Variants in HACD4 observed in about 807,000 individuals in gnomAD.
The protein encoded by HACD4 is 3-hydroxyacyl-CoA dehydratase 4, also known as very-long-chain (3R)-3-hydroxyacyl-CoA dehydratase 4.
HACD4 carries 35 observed loss-of-function variants against 33.3 expected under a neutral mutation model. That is an observed-to-expected ratio of 1.05 (90% CI 0.80 to 1.39). The LOEUF (loss-of-function observed/expected upper bound fraction) is 1.39. Among genes scored for constraint, HACD4 ranks in the 40% most tolerant of loss-of-function variants. HACD4 has a pLI of 0.00. For synonymous variants in HACD4, 118 were observed against 98.0 expected, an observed-to-expected ratio of 1.20 and a Z score of -1.21; for missense variants, 323 against 276.5, an observed-to-expected ratio of 1.17 and a Z score of -1.19.
At chr9:21,020,905 C>T (rs903865328) in intron 3 of HACD4, among the ~76,000 whole-genome samples, 1 of 152,068 alleles carries the variant, frequency 6.6e-6, no homozygotes, top group Admixed American at 6.6e-5. Context: ...CCTTTCCTTT[C>T]ATATGTAATT....
At position 21,001,839 on chromosome 9, in the gene HACD4, TA is replaced by T. The variant is rs1229523309; in HGVS notation, c.*5197del. On this transcript the variant is annotated 3_prime_UTR_variant, in exon 7 of 7. Transcript: ENST00000495827. ...ATAAACAAAAGCTGAGAAAGTATGT[TA>T]CCACTAGACCTGCCCCTGCCAGAAA... The T allele has an allele frequency of 6.6e-6, 1 of 152,132 alleles. No individual in the cohort carries two copies. The highest frequency in any genetic ancestry group is 1.5e-5 in the Non-Finnish European group (1 of 67,980). The allele number at this position is 152,132 out of a possible 1,614,324, so 9.4% of individuals were successfully genotyped here. A position where few individuals can be genotyped will look rare whatever the true frequency, so the allele number is the denominator to read the frequency against.
rs566167030 is a variant in HACD4 at position 21,030,996 on chromosome 9, T to A, written c.38+557A>T. Among the ~76,000 whole-genome samples the A allele has an allele frequency of 5.9e-5, 9 of 152,302 alleles. No individual in the cohort carries two copies. In the East Asian group the frequency reaches 1.7e-3, roughly 29 times the overall value. ...AAGGAAAATAAGCTGGGAGGCAGAA[T>A]GATTTTTATTTGGGGACATCCTCCC... On this transcript the variant is annotated intron_variant, in intron 1 of 6. Coordinates refer to ENST00000495827, the MANE Select transcript of HACD4 (RefSeq NM_001010915.5).
intron 3 of HACD4, among the ~76,000 whole-genome samples, chr9:21,022,773 C>A (rs929951506): frequency 3.3e-5 from 5 of 151,898 alleles, no homozygotes; most frequent in African/African-American, 1.2e-4. Context: ...GTTGGTGGGA[C>A]TGTAAACTAG....
chr9:21,030,642 C>T (rs771922245), intron 1 of HACD4, among the ~76,000 whole-genome samples: 2 of 152,130 alleles, frequency 1.3e-5, no homozygotes, highest in Non-Finnish European at 2.9e-5. Flanking sequence ...ACACACCTGA[C>T]TTTTGAACAC....
intron 3 of HACD4, among the ~76,000 whole-genome samples, chr9:21,020,493 A>C (rs1027315861): frequency 5.3e-5 from 8 of 152,120 alleles, no homozygotes; most frequent in Non-Finnish European, 7.3e-5. Flanking sequence ...CTTAAAATCA[A>C]CATTTCAGGC....
At position 21,003,322 on chromosome 9, in the gene HACD4, A is replaced by C. The variant is rs1205891882; in HGVS notation, c.*3715T>G. 6.6e-6 allele frequency: 1 copy of C among 152,044 alleles called. No homozygotes were observed. The highest frequency in any genetic ancestry group is 2.4e-5 in the African/African-American group (1 of 41,440). The allele number at this position is 152,044 out of a possible 1,614,324, so 9.4% of individuals were successfully genotyped here. A position where few individuals can be genotyped will look rare whatever the true frequency, so the allele number is the denominator to read the frequency against. On this transcript the variant is annotated 3_prime_UTR_variant, in exon 7 of 7. Transcript: ENST00000495827. ...TGACCCAGTAAAGTGTAGTTTCTCT[A>C]ATTTTCTCTTTGTTTTAGTGATTGA...
chr9:21,014,063 G>C (rs897983120), intron 4 of HACD4, among the ~76,000 whole-genome samples: 7 of 152,116 alleles, frequency 4.6e-5, no homozygotes, highest in African/African-American at 1.7e-4. Flanking sequence ...TATCATGTTA[G>C]TATGGATTTT....
rs201070156 is a variant in HACD4, at chr9:21,007,130, G to A, written c.617-11C>T. The stretch of plus-strand genomic sequence containing the variant: ...AGGTAAAATACATACCTAATATGGA[G>A]AAAGAAGTTGCAAAAGTAAGTAAGG... On this transcript the variant is annotated splice_polypyrimidine_tract_variant and intron_variant, in intron 6 of 6. Transcript: ENST00000495827. 2.2e-6 allele frequency: 3 copies of A among 1,359,340 alleles called. No individual in the cohort carries two copies. Among genetic ancestry groups the A allele is most frequent in the African/African-American group, 2.9e-5 (2 of 69,714 alleles). The allele number at this position is 1,359,340 out of a possible 1,614,324, so 84.2% of individuals were successfully genotyped here.
rs1394082605 is a variant in HACD4, at chr9:21,005,039, C to T, written c.*1998G>A. On this transcript the variant is annotated 3_prime_UTR_variant, in exon 7 of 7. Transcript: ENST00000495827. This position sits in a 1 kb window ranked among gnomAD's most constrained non-coding sequence, Gnocchi z 4.0. The stretch of plus-strand genomic sequence containing the variant: ...TGTTGGTAGACATGGACAATAAAGG[C>T]CATTCTGATGAAGTCTCAAATGAAA... 6.6e-6 allele frequency: 1 copy of T among 152,082 alleles called. No homozygotes were observed. The highest frequency in any genetic ancestry group is 1.5e-5 in the Non-Finnish European group (1 of 68,014). The allele number at this position is 152,082 out of a possible 1,614,324, so 9.4% of individuals were successfully genotyped here.
rs142857345 is a variant in HACD4 at position 21,023,944 on chromosome 9, A to C, written c.270+2652T>G. Reference sequence around the variant, plus strand: ...CTGTATCGACATGGTTTTTTAGCTTACTTAAAAGCAGCCACTCTCTTAACT... The same window carrying C: ...CTGTATCGACATGGTTTTTTAGCTTCCTTAAAAGCAGCCACTCTCTTAACT... On this transcript the variant is annotated intron_variant, in intron 3 of 6. Coordinates refer to ENST00000495827, the MANE Select transcript of HACD4 (RefSeq NM_001010915.5). Among the ~76,000 whole-genome samples, 288 of 152,320 alleles carry C rather than the reference A, an allele frequency of 1.9e-3. 1 individual carries two copies. The highest frequency in any genetic ancestry group is 3.3e-3 in the Non-Finnish European group (227 of 68,016).
intron 4 of HACD4, among the ~76,000 whole-genome samples, chr9:21,014,901 G>A (rs1333018051): frequency 1.3e-5 from 2 of 151,994 alleles, no homozygotes; most frequent in African/African-American, 4.8e-5. Flanking sequence ...TATTTATTGA[G>A]CTTCTCTGAC....
intron 3 of HACD4, among the ~76,000 whole-genome samples, chr9:21,023,415 A>T (rs532603463): frequency 1.3e-5 from 2 of 152,192 alleles, no homozygotes; most frequent in Non-Finnish European, 2.9e-5. Flanking sequence ...CACAGCACAA[A>T]AACAAACCTA....
chr9:21,016,085 C>G (rs1842549393), intron 3 of HACD4, 75 bp from the exon 4 acceptor site: 2 of 935,452 alleles, frequency 2.1e-6, no homozygotes, highest in African/African-American at 1.6e-5. Flanking sequence ...TTTTGAAAAC[C>G]AGATCTCCTT....
intron 5 of HACD4, 105 bp from the exon 6 acceptor site, chr9:21,008,251 A>AGTT (rs1470052851): frequency 9.8e-7 from 1 of 1,023,432 alleles, no homozygotes; most frequent in African/African-American, 1.7e-5. Context: ...TGATAATGAC[A>AGTT]GTTTTGTAAT....
rs1253060447 is a variant in HACD4, at chr9:21,006,571, T to A, written c.*466A>T. 2 of 197,258 alleles carry A rather than the reference T, an allele frequency of 1.0e-5. No individual in the cohort carries two copies. Among genetic ancestry groups the A allele is most frequent in the African/African-American group, 4.8e-5 (2 of 41,662 alleles). The allele number at this position is 197,258 out of a possible 1,614,324, so 12.2% of individuals were successfully genotyped here. A position where few individuals can be genotyped will look rare whatever the true frequency, so the allele number is the denominator to read the frequency against. ...GTATTATTAGATCTGAAGACAGACA[T>A]CTGTCTATGAAATATGTTATTCTAG... On this transcript the variant is annotated 3_prime_UTR_variant, in exon 7 of 7. Transcript: ENST00000495827. This position sits in a 1 kb window ranked among gnomAD's most constrained non-coding sequence, Gnocchi z 4.6.
At position 20,999,866 on chromosome 9, in the gene HACD4, C is replaced by T. The variant is rs1372931164; in HGVS notation, c.*7171G>A. The T allele has an allele frequency of 2.0e-5, 3 of 151,784 alleles. No individual in the cohort carries two copies. The highest frequency in any genetic ancestry group is 7.3e-5 in the African/African-American group (3 of 41,068). 9.4% of individuals were successfully genotyped at this position (151,784 alleles called of 1,614,324 possible). A position where few individuals can be genotyped will look rare whatever the true frequency, so the allele number is the denominator to read the frequency against. On this transcript the variant is annotated 3_prime_UTR_variant, in exon 7 of 7. Transcript: ENST00000495827. Reference sequence around the variant, plus strand: ...AGTCAGAGAATATAAATCACTAAACCATCATGAAGTAAGAACAGAACATGT... The same window carrying T: ...AGTCAGAGAATATAAATCACTAAACTATCATGAAGTAAGAACAGAACATGT...
chr9:21,023,377 T>TA (rs1342443725), intron 3 of HACD4, among the ~76,000 whole-genome samples: 2 of 151,948 alleles, frequency 1.3e-5, no homozygotes, highest in Non-Finnish European at 2.9e-5. Context: ...TTTAAAAAAT[T>TA]AAAAAATAAA....
At position 21,003,187 on chromosome 9, in the gene HACD4, T is replaced by C. The variant is rs1251110317; in HGVS notation, c.*3850A>G. The C allele has an allele frequency of 6.6e-6, 1 of 152,190 alleles. No individual in the cohort carries two copies. Among genetic ancestry groups the C allele is most frequent in the Non-Finnish European group, 1.5e-5 (1 of 68,014 alleles). 9.4% of individuals were successfully genotyped at this position (152,190 alleles called of 1,614,324 possible). On this transcript the variant is annotated 3_prime_UTR_variant, in exon 7 of 7. Coordinates refer to ENST00000495827, the MANE Select transcript of HACD4 (RefSeq NM_001010915.5). The stretch of plus-strand genomic sequence containing the variant: ...ATCCTCATTTCTGTTTTAAAATAAT[T>C]ATAAATTCACTTGTGTTTCTTTTGG...
At chr9:21,016,902 C>T (rs567938664) in intron 3 of HACD4, among the ~76,000 whole-genome samples, 74 of 152,006 alleles carry the variant, frequency 4.9e-4, no homozygotes, top group Middle Eastern at 3.4e-3. Context: ...AGACTTCACA[C>T]ATTTTTGGCT....
Sources: allele counts gnomAD v4.1 joint callset (sites outside exome capture counted in the v4.1 genomes callset), GRCh38; gene constraint gnomAD v4.1.1; non-coding constraint Gnocchi (gnomAD v3.1); transcripts MANE v1.5; gene names NCBI Gene and HGNC (gene_info 2026-07-23, HGNC 2026-07-21).